The following ABCA1 variants were observed in gnomAD, a reference collection of about 807,000 sequenced individuals.
ABCA1 encodes the protein phospholipid-transporting ATPase ABCA1.
A neutral mutation model predicts 262.5 loss-of-function variants in ABCA1; 133 were observed. The ratio of observed to expected loss-of-function variants is 0.51; its 90% CI spans 0.44 to 0.59. The LOEUF is 0.59. ABCA1 is among the 20% of genes least tolerant of loss of function. ABCA1 has a pLI of 0.00. For missense variants in ABCA1, 2,452 were observed against 2,777.5 expected (o/e 0.88, Z 2.63); for synonymous variants, 1,022 against 1,043.5 (o/e 0.98, Z 0.40).
At chr9:104,926,208 CTTCTT>C (rs1049073025) in intron 1 of ABCA1, among the ~76,000 whole-genome samples, 1 of 152,072 alleles carries the variant, frequency 6.6e-6, no homozygotes, top group African/African-American at 2.4e-5. Flanking sequence ...TACCCATTCT[CTTCTT>C]GAAGTGTCAA....
At chr9:104,820,115 C>T (rs1202893221) in intron 20 of ABCA1, 46 bp from the exon 21 acceptor site, 1 of 1,612,086 alleles carries the variant, frequency 6.2e-7, no homozygotes, top group Admixed American at 1.7e-5. Context: ...CTGGATACCC[C>T]AGAATACAGT....
chr9:104,887,949 A>C (rs1839335280), intron 3 of ABCA1, among the ~76,000 whole-genome samples: 1 of 151,468 alleles, frequency 6.6e-6, no homozygotes, highest in Non-Finnish European at 1.5e-5. Flanking sequence ...CTGGTTTCAA[A>C]CTCCTGACCT....
chr9:104,877,268 T>C (rs1286279198), intron 5 of ABCA1, among the ~76,000 whole-genome samples: 1 of 152,234 alleles, frequency 6.6e-6, no homozygotes, highest in African/African-American at 2.4e-5. Context: ...CACTTTTACT[T>C]GACCCTCACA....
At chr9:104,870,647 TCA>T (rs1837520967) in intron 5 of ABCA1, among the ~76,000 whole-genome samples, 1 of 151,482 alleles carries the variant, frequency 6.6e-6, no homozygotes, top group Non-Finnish European at 1.5e-5. Flanking sequence ...TTAGGGCCCC[TCA>T]CAGATACCAT....
chr9:104,868,367 C>CA (rs944359281), intron 5 of ABCA1, among the ~76,000 whole-genome samples: 6 of 151,752 alleles, frequency 4.0e-5, no homozygotes, highest in South Asian at 2.1e-4. Context: ...AACAAACAAA[C>CA]AAAAAAAACG....
chr9:104,826,205 G>A (rs1412284915), intron 16 of ABCA1, among the ~76,000 whole-genome samples: 9 of 152,138 alleles, frequency 5.9e-5, no homozygotes, highest in Non-Finnish European at 8.8e-5. Flanking sequence ...ACACACATGC[G>A]CATACCCACA....
intron 34 of ABCA1, among the ~76,000 whole-genome samples, chr9:104,801,550 T>C (rs1192588194): frequency 2.0e-5 from 3 of 149,672 alleles, no homozygotes; most frequent in Non-Finnish European, 4.4e-5. Context: ...TGGATTTAAT[T>C]TGTTTTTTGA....
chr9:104,819,047 G>GTA (rs1564125671), intron 22 of ABCA1, among the ~76,000 whole-genome samples, 164 bp from the exon 23 acceptor site: 2 of 152,288 alleles, frequency 1.3e-5, no homozygotes, highest in East Asian at 3.9e-4. Flanking sequence ...GCAAAGCTTT[G>GTA]TATATATAGG....
chr9:104,822,542 T>C lies in ABCA1; in HGVS notation c.2782A>G (p.Ile928Val). The C allele has an allele frequency of 6.2e-7, 1 of 1,614,000 alleles. No homozygotes were observed. The highest frequency in any genetic ancestry group is 8.5e-7 in the Non-Finnish European group (1 of 1,179,992). Residue 928 changes from isoleucine to valine, a missense_variant, in exon 19 of 50, where the codon ATC (isoleucine) becomes GTC (valine). By Grantham distance (29) the Ile-to-Val change is conservative (BLOSUM62 3). This residue lies in a region of ABCA1 where 665 missense variants were observed against 727.3 expected (regional missense o/e 0.91). Coordinates refer to ENST00000374736, the MANE Select transcript of ABCA1 (RefSeq NM_005502.4). ...GLALNFYEGQ[I>V]TSFLGHNGAG... is the part of the protein sequence containing the mutation. ...CCATTGTGGCCCAGGAAGGAGGTGA[T>C]CTGGCCCTCATAAAAATTCAGTGCC...
chr9:104,885,518 C>T (rs947989125), intron 3 of ABCA1, among the ~76,000 whole-genome samples: 6 of 152,136 alleles, frequency 3.9e-5, no homozygotes, highest in African/African-American at 4.8e-5. Flanking sequence ...TGTGAAGCTT[C>T]GGGGGTTTTG....
intron 19 of ABCA1, 23 bp downstream of exon 19, chr9:104,822,473 C>A (rs757653314): frequency 6.2e-7 from 1 of 1,612,356 alleles, no homozygotes; most frequent in South Asian, 1.1e-5. Context: ...GCTGATTCTG[C>A]GGGAACCACA....
chr9:104,911,983 T>C (rs1841523558), intron 1 of ABCA1, among the ~76,000 whole-genome samples: 1 of 152,224 alleles, frequency 6.6e-6, no homozygotes, highest in South Asian at 2.1e-4. Flanking sequence ...AATCTGTAAC[T>C]TGGGTGCAGT....
At chr9:104,890,522 G>A (rs1023523339) in intron 2 of ABCA1, among the ~76,000 whole-genome samples, 20 of 152,018 alleles carry the variant, frequency 1.3e-4, no homozygotes, top group African/African-American at 4.8e-4. Context: ...CAGAGGTTGC[G>A]GTGAGCTGAG....
At chr9:104,922,194 A>C (rs1404121165) in intron 1 of ABCA1, among the ~76,000 whole-genome samples, 1 of 152,164 alleles carries the variant, frequency 6.6e-6, no homozygotes. Flanking sequence ...AATGGAGAGT[A>C]ACTGAAGGCC....
intron 3 of ABCA1, among the ~76,000 whole-genome samples, chr9:104,885,697 G>T (rs2777783): frequency 0.01 from 1,581 of 152,280 alleles, 13 homozygotes; most frequent in Non-Finnish European, 0.017. Flanking sequence ...GTTTGCGGCC[G>T]TAATACATGG....
chr9:104,858,668 T>A lies in ABCA1; in HGVS notation c.574A>T (p.Thr192Ser), dbSNP rs565259471. ...VFLQGYQLHL[T>S]SLCNGSKSEE... ...GATTTTGATCCATTGCACAGACTTG[T>A]CAAATGTAACTGGTAGCCTTGCAAA... Residue 192 changes from threonine to serine, a missense_variant, in exon 7 of 50, where the codon ACA (threonine) becomes TCA (serine). By Grantham distance (58) the Thr-to-Ser change is moderately conservative. Coordinates refer to ENST00000374736, the MANE Select transcript of ABCA1 (RefSeq NM_005502.4). The A allele has an allele frequency of 6.2e-7, 1 of 1,614,174 alleles. No homozygotes were observed. The highest frequency in any genetic ancestry group is 8.5e-7 in the Non-Finnish European group (1 of 1,180,028).
intron 7 of ABCA1, among the ~76,000 whole-genome samples, chr9:104,851,284 C>G (rs1835352971): frequency 1.3e-5 from 2 of 152,186 alleles, no homozygotes; most frequent in African/African-American, 4.8e-5. Context: ...GCCTGTGGAG[C>G]CTTTAATGGC....
At chr9:104,900,125 G>A (rs2118409964) in intron 2 of ABCA1, among the ~76,000 whole-genome samples, 1 of 152,318 alleles carries the variant, frequency 6.6e-6, no homozygotes, top group South Asian at 2.1e-4. Context: ...GACACAGAAT[G>A]AAAAGGCAAG....
chr9:104,859,967 T>C (rs1354674673), intron 6 of ABCA1, among the ~76,000 whole-genome samples: 1 of 148,046 alleles, frequency 6.8e-6, no homozygotes, highest in East Asian at 2.0e-4. Flanking sequence ...AAGCAGAGAA[T>C]CACTTGAACC....
Sources: gnomAD v4.1 joint callset for allele counts (sites outside exome capture counted in the v4.1 genomes callset) on GRCh38, gnomAD v4.1.1 for gene constraint, gnomAD v4.1.1 regional missense constraint, MANE v1.5 for transcripts, NCBI Gene and HGNC (gene_info 2026-07-23, HGNC 2026-07-21) for gene names.